PCDH19: variants seen among roughly 807,000 people sequenced by gnomAD.
The protein encoded by PCDH19 is protocadherin-19.
A neutral mutation model predicts 46.2 loss-of-function variants in PCDH19; 6 were observed. The observed-to-expected ratio is 0.13, with a 90% confidence interval of 0.07 to 0.26. The LOEUF (loss-of-function observed/expected upper bound fraction) is 0.26, where lower values mean the gene tolerates loss of function less well. Ranked by LOEUF, PCDH19 falls within the 10% of genes least tolerant of loss-of-function variation. The pLI, the probability that PCDH19 is intolerant of heterozygous loss-of-function variation, is 1.00. For synonymous variants in PCDH19, 481 were observed against 415.7 expected, an observed-to-expected ratio of 1.16 and a Z score of -1.91; for missense variants, 740 against 972.3, an observed-to-expected ratio of 0.76 and a Z score of 3.18.
rs960100028 is a variant in PCDH19 at position 100,295,150 on chromosome X, C to T, written c.*1127G>A. 6.2e-5 allele frequency: 7 copies of T among 112,049 alleles called. No homozygotes were observed. Among genetic ancestry groups the T allele is most frequent in the Non-Finnish European group, 1.1e-4 (6 of 53,186 alleles). 9.2% of individuals were successfully genotyped at this position (112,049 alleles called of 1,213,427 possible). On this transcript the variant is annotated 3_prime_UTR_variant, in exon 6 of 6. Transcript: ENST00000373034. ...TGGAGTTCTCAATCCCAGCCCATGA[C>T]GTGCTTTGCAGTCTAATTCTAATCA...
At chrX:100,309,544 T>C (rs1925066043) in intron 5 of PCDH19, among the ~76,000 whole-genome samples, 1 of 111,554 alleles carries the variant, frequency 9.0e-6, no homozygotes, top group South Asian at 3.7e-4. Context: ...AAAAAATAAA[T>C]TTAAAAAAAT....
chrX:100,311,909 C>T (rs1925142015), intron 5 of PCDH19, among the ~76,000 whole-genome samples: 1 of 111,062 alleles, frequency 9.0e-6, no homozygotes, highest in African/African-American at 3.3e-5. Context: ...CTGGGTACAG[C>T]AAACAGCACA....
At chrX:100,321,868 C>A (rs1285494952) in intron 5 of PCDH19, among the ~76,000 whole-genome samples, 4 of 93,204 alleles carry the variant, frequency 4.3e-5, no homozygotes, top group Non-Finnish European at 8.2e-5. Flanking sequence ...CGGCTCACTG[C>A]AAGCTCCGCC....
At chrX:100,304,599 C>G (rs1602571863) in intron 5 of PCDH19, among the ~76,000 whole-genome samples, 1 of 111,887 alleles carries the variant, frequency 8.9e-6, no homozygotes, top group East Asian at 2.8e-4. Flanking sequence ...AAAAAAAATT[C>G]AGAAGGTCAA....
intron 3 of PCDH19, among the ~76,000 whole-genome samples, chrX:100,384,962 C>G (rs1250601636): frequency 9.1e-6 from 1 of 110,497 alleles, no homozygotes; most frequent in African/African-American, 3.3e-5. Context: ...AGTTCATGAC[C>G]AGCCTGGCCA....
chrX:100,317,015 T>C (rs1306791238), intron 5 of PCDH19, among the ~76,000 whole-genome samples: 2 of 112,036 alleles, frequency 1.8e-5, no homozygotes, highest in Non-Finnish European at 3.8e-5. Context: ...TGGAGCATAT[T>C]TGAGGATATA....
rs1371388335 is a variant in PCDH19 at position 100,293,012 on chromosome X, C to G, written c.*3265G>C. ...TTCACCCTGCCTCTCCCTAAACTGCCCTTTGTCCTTGCTGCTTCAAGTGGA... is the reference window on the plus strand; with the variant it reads ...TTCACCCTGCCTCTCCCTAAACTGCGCTTTGTCCTTGCTGCTTCAAGTGGA... On this transcript the variant is annotated 3_prime_UTR_variant, in exon 6 of 6. Transcript: ENST00000373034. 1 of 111,425 alleles carries G rather than the reference C, an allele frequency of 9.0e-6. No individual in the cohort carries two copies. Among genetic ancestry groups the G allele is most frequent in the Non-Finnish European group, 1.9e-5 (1 of 53,101 alleles). The allele number at this position is 111,425 out of a possible 1,213,427, so 9.2% of individuals were successfully genotyped here.
intron 3 of PCDH19, among the ~76,000 whole-genome samples, chrX:100,355,024 T>G (rs1267108245): frequency 8.9e-6 from 1 of 111,945 alleles, no homozygotes; most frequent in African/African-American, 3.2e-5. Flanking sequence ...TTTAGTATAT[T>G]TATCACAAAT....
At chrX:100,322,989 G>C (rs1229278239) in intron 5 of PCDH19, among the ~76,000 whole-genome samples, 2 of 106,553 alleles carry the variant, frequency 1.9e-5, no homozygotes, top group Non-Finnish European at 3.8e-5. Flanking sequence ...TTGCTGAATT[G>C]AAAGAAAACG....
chrX:100,351,021 C>T (rs1044660250), intron 3 of PCDH19, among the ~76,000 whole-genome samples: 1 of 112,803 alleles, frequency 8.9e-6, no homozygotes, highest in East Asian at 2.8e-4. Context: ...CTTCCCATTC[C>T]CCAGTGGAGA....
chrX:100,355,134 A>C (rs890082957), intron 3 of PCDH19, among the ~76,000 whole-genome samples: 2 of 112,024 alleles, frequency 1.8e-5, no homozygotes, highest in African/African-American at 6.5e-5. Context: ...AAAAATTCTC[A>C]AACAATAAAT....
intron 5 of PCDH19, among the ~76,000 whole-genome samples, chrX:100,307,516 A>T (rs1758732873): frequency 9.0e-6 from 1 of 111,644 alleles, no homozygotes; most frequent in Non-Finnish European, 1.9e-5. Flanking sequence ...CACCACTTCT[A>T]TTCAACAAAT....
intron 3 of PCDH19, among the ~76,000 whole-genome samples, chrX:100,366,008 C>T (rs1226443485): frequency 2.7e-5 from 3 of 111,965 alleles, no homozygotes; most frequent in Non-Finnish European, 5.6e-5. Flanking sequence ...AATACCCTAT[C>T]ATTAAGAAAA....
intron 3 of PCDH19, among the ~76,000 whole-genome samples, chrX:100,382,088 A>T (rs979415302): frequency 9.0e-6 from 1 of 111,272 alleles, no homozygotes; most frequent in African/African-American, 3.3e-5. Context: ...TTTAAAAAAA[A>T]AAAAAGAAAT....
chrX:100,304,713 T>C (rs1401313674), intron 5 of PCDH19, among the ~76,000 whole-genome samples: 4 of 111,679 alleles, frequency 3.6e-5, no homozygotes, highest in African/African-American at 1.3e-4. Context: ...GGGAAATAGA[T>C]AGCATAAACA....
chrX:100,376,418 T>A (rs946058593), intron 3 of PCDH19, among the ~76,000 whole-genome samples: 5 of 111,420 alleles, frequency 4.5e-5, no homozygotes, highest in African/African-American at 1.3e-4. Flanking sequence ...GGATTTTTTT[T>A]AAAATGACAC....
chrX:100,314,660 G>A (rs1434776249), intron 5 of PCDH19, among the ~76,000 whole-genome samples: 2 of 111,374 alleles, frequency 1.8e-5, no homozygotes, highest in Non-Finnish European at 3.8e-5. Flanking sequence ...AATGTCCAGG[G>A]TAGAATAGAA....
chrX:100,313,901 A>ACTCTCT (rs57166964), intron 5 of PCDH19, among the ~76,000 whole-genome samples: 12 of 102,079 alleles, frequency 1.2e-4, no homozygotes, highest in African/African-American at 3.2e-4. Context: ...ACACACACAC[A>ACTCTCT]CACACAAAGT....
In PCDH19 at chrX:100,408,680, C is replaced by A; in HGVS notation, c.-83G>T. Reference sequence around the variant, plus strand: ...TCGGCGCTCCAGCTTCCCGCCGGCTCGGGCCGCCTGTTGCGCGCGCCCCGT... The same window carrying A: ...TCGGCGCTCCAGCTTCCCGCCGGCTAGGGCCGCCTGTTGCGCGCGCCCCGT... On this transcript the variant is annotated 5_prime_UTR_variant, in exon 1 of 6. Coordinates refer to ENST00000373034, the MANE Select transcript of PCDH19 (RefSeq NM_001184880.2). The A allele has an allele frequency of 1.1e-6, 1 of 892,327 alleles. No homozygotes were observed. The highest frequency in any genetic ancestry group is 1.6e-6 in the Non-Finnish European group (1 of 637,321). 73.5% of individuals were successfully genotyped at this position (892,327 alleles called of 1,213,427 possible). A position where few individuals can be genotyped will look rare whatever the true frequency, so the allele number is the denominator to read the frequency against.
Sources: gnomAD v4.1 joint callset for allele counts (sites outside exome capture counted in the v4.1 genomes callset) on GRCh38, gnomAD v4.1.1 for gene constraint, MANE v1.5 for transcripts, NCBI Gene and HGNC (gene_info 2026-07-23, HGNC 2026-07-21) for gene names.